Variants in TARS3 observed in about 807,000 individuals in gnomAD.
TARS3 encodes threonyl-tRNA synthetase 3.
TARS3 carries 94 observed loss-of-function variants against 103.5 expected under a neutral mutation model. The ratio of observed to expected loss-of-function variants is 0.91; its 90% confidence interval spans 0.77 to 1.08. The LOEUF is 1.08. Ranked by LOEUF, TARS3 falls within the 50% of genes least tolerant of loss-of-function variation. TARS3 has a pLI of 0.00. For missense variants in TARS3, 952 were observed against 995.2 expected, an observed-to-expected ratio of 0.96 and a Z score of 0.58; for synonymous variants, 416 against 355.4, an observed-to-expected ratio of 1.17 and a Z score of -1.92.
chr15:101,697,660 T>C (rs1248592903), intron 10 of TARS3, among the ~76,000 whole-genome samples: 1 of 152,132 alleles, frequency 6.6e-6, no homozygotes, highest in Non-Finnish European at 1.5e-5. Flanking sequence ...ATTATAATCA[T>C]CAAAGCACAG....
Position 101,698,773 on chromosome 15 carries a change from G to A in TARS3, c.1320+2313C>T, listed in dbSNP as rs185791402. On this transcript the variant is annotated intron_variant, in intron 10 of 18. Coordinates refer to ENST00000335968, the MANE Select transcript of TARS3 (RefSeq NM_152334.3). ...AGGAGCCTCATCTGCAGCTAGGCCT[G>A]ATTCAGAAGATGTCCTGGATTTTTG... Among the ~76,000 whole-genome samples the A allele has an allele frequency of 3.5e-3, 537 of 152,346 alleles. 7 individuals carry two copies. Among genetic ancestry groups the A allele is most frequent in the African/African-American group, 0.012 (512 of 41,578 alleles).
At position 101,701,069 on chromosome 15, in the gene TARS3, T is replaced by G; in HGVS notation, c.1320+17A>C. On this transcript the variant is annotated intron_variant, in intron 10 of 18. Transcript: ENST00000335968. ...ACTGGAATTGAATAAGAATAAAACA[T>G]TTTAAAGTTAACTTACTCGTATGAA... The G allele has an allele frequency of 6.8e-7, 1 of 1,470,558 alleles. No homozygotes were observed. The highest frequency in any genetic ancestry group is 2.3e-5 in the Admixed American group (1 of 42,758). 91.1% of individuals were successfully genotyped at this position (1,470,558 alleles called of 1,614,324 possible). A position where few individuals can be genotyped will look rare whatever the true frequency, so the allele number is the denominator to read the frequency against.
At chr15:101,685,135 T>C (rs1424646441) in intron 11 of TARS3, among the ~76,000 whole-genome samples, 3 of 152,224 alleles carry the variant, frequency 2.0e-5, no homozygotes, top group East Asian at 1.9e-4. Flanking sequence ...CTTTCTTCAG[T>C]GTTCAGTTAC....
intron 15 of TARS3, chr15:101,664,240 T>C (rs907183607): frequency 3.9e-5 from 6 of 152,394 alleles, no homozygotes; most frequent in African/African-American, 1.4e-4. Flanking sequence ...CTATGATGGC[T>C]GGCTGGGCTG....
At chr15:101,695,037 G>A (rs1233959145) in intron 10 of TARS3, among the ~76,000 whole-genome samples, 2 of 152,178 alleles carry the variant, frequency 1.3e-5, no homozygotes, top group African/African-American at 4.8e-5. Context: ...AATGTACTTA[G>A]TGAGAATGAA....
chr15:101,711,765 CT>C (rs1899878705), intron 5 of TARS3, 114 bp downstream of exon 5: 9 of 1,292,612 alleles, frequency 7.0e-6, no homozygotes, highest in South Asian at 1.8e-5. Flanking sequence ...GTCGGTGCCC[CT>C]AACCCCACAT....
intron 3 of TARS3, among the ~76,000 whole-genome samples, chr15:101,719,028 C>T (rs929310610): frequency 2.6e-5 from 4 of 152,142 alleles, no homozygotes; most frequent in South Asian, 2.1e-4. Flanking sequence ...TGGACAACTC[C>T]GAACTTCCCA....
intron 3 of TARS3, among the ~76,000 whole-genome samples, chr15:101,716,850 A>G (rs1485245548): frequency 7.7e-6 from 1 of 129,210 alleles, no homozygotes; most frequent in Non-Finnish European, 1.6e-5. Context: ...CAACTCTACA[A>G]TGTAATTTTT....
At chr15:101,696,996 G>A (rs997322234) in intron 10 of TARS3, among the ~76,000 whole-genome samples, 9 of 152,306 alleles carry the variant, frequency 5.9e-5, no homozygotes, top group African/African-American at 1.4e-4. Context: ...AGGGATGCAT[G>A]TAACATGCAT....
intron 1 of TARS3, 102 bp downstream of exon 1, chr15:101,723,989 G>C (rs886304261): frequency 3.5e-6 from 4 of 1,138,746 alleles, no homozygotes; most frequent in African/African-American, 3.3e-5. Flanking sequence ...GCACTCCCCC[G>C]GGGCGCCCCC....
At chr15:101,662,141 C>T (rs1421031140) in intron 15 of TARS3, among the ~76,000 whole-genome samples, 1 of 152,118 alleles carries the variant, frequency 6.6e-6, no homozygotes, top group East Asian at 1.9e-4. Flanking sequence ...CCCATTCTTG[C>T]CACTATCTCC....
intron 12 of TARS3, among the ~76,000 whole-genome samples, chr15:101,683,117 C>T (rs2141404967): frequency 6.6e-6 from 1 of 152,180 alleles, no homozygotes. Context: ...GTGATTTCTG[C>T]TCTGCTCTTT....
intron 18 of TARS3, among the ~76,000 whole-genome samples, chr15:101,655,546 G>A (rs530039765): frequency 1.4e-5 from 2 of 143,494 alleles, no homozygotes; most frequent in South Asian, 2.3e-4. Flanking sequence ...AGAGCGGGGA[G>A]CTCTTACAGA....
intron 11 of TARS3, among the ~76,000 whole-genome samples, chr15:101,685,081 ATAAAGT>A (rs1281483667): frequency 6.6e-6 from 1 of 152,214 alleles, no homozygotes; most frequent in Non-Finnish European, 1.5e-5. Context: ...TGACATCATC[ATAAAGT>A]TAAATTTCTT....
chr15:101,714,908 G>C lies in TARS3; in HGVS notation c.622C>G (p.Leu208Val). ...IAKVNGELWDLDRPLEGDSSL... is the reference protein window; with the variant it reads ...IAKVNGELWDVDRPLEGDSSL... ...GAGTCCCCTTCCAATGGGCGGTCCA[G>C]GTCCCACAGTTCACCATTGACTTTG... Residue 208 changes from leucine to valine, a missense_variant, in exon 4 of 19, where the codon CTG (leucine) becomes GTG (valine). Coordinates refer to ENST00000335968, the MANE Select transcript of TARS3 (RefSeq NM_152334.3). 6.2e-7 allele frequency: 1 copy of C among 1,613,366 alleles called. No individual in the cohort carries two copies. Among genetic ancestry groups the C allele is most frequent in the Non-Finnish European group, 8.5e-7 (1 of 1,179,576 alleles).
chr15:101,678,509 T>G lies in TARS3; in HGVS notation c.1651-2772A>C, dbSNP rs749451135. Among the ~76,000 whole-genome samples, 5 of 152,218 alleles carry G rather than the reference T, an allele frequency of 3.3e-5. No individual in the cohort carries two copies. The Middle Eastern group carries it at 0.017, about 518-fold the overall frequency. ...TTAGTGTATCCCTGTCTATAGCTTT[T>G]TTTTTTATTGGTTTCTCTAGGTATT... is the stretch of plus-strand genomic sequence containing the variant. On this transcript the variant is annotated intron_variant, in intron 12 of 18. Transcript: ENST00000335968.
At chr15:101,710,888 C>T (rs752559729) in intron 5 of TARS3, among the ~76,000 whole-genome samples, 32 of 151,894 alleles carry the variant, frequency 2.1e-4, no homozygotes, top group Non-Finnish European at 3.8e-4. Flanking sequence ...TGGATGGTGG[C>T]GTGGTGGTGA....
At chr15:101,682,753 C>T (rs1184486116) in intron 12 of TARS3, among the ~76,000 whole-genome samples, 1 of 152,112 alleles carries the variant, frequency 6.6e-6, no homozygotes, top group Non-Finnish European at 1.5e-5. Context: ...ACCAGTAAAA[C>T]CATCTTGGCC....
chr15:101,708,678 C>T (rs1899701421), intron 6 of TARS3, 115 bp downstream of exon 6: 3 of 753,688 alleles, frequency 4.0e-6, no homozygotes, highest in Non-Finnish European at 6.9e-6. Flanking sequence ...AGTAGCTTAA[C>T]AGGATTGGAA....
Sources: allele counts gnomAD v4.1 joint callset (sites outside exome capture counted in the v4.1 genomes callset), GRCh38; gene constraint gnomAD v4.1.1; transcripts MANE v1.5; gene names NCBI Gene and HGNC (gene_info 2026-07-23, HGNC 2026-07-21).